Variants in ANKS1B observed in about 807,000 individuals in gnomAD.
The protein encoded by ANKS1B is ankyrin repeat and sterile alpha motif domain-containing protein 1B.
Under a neutral mutation model 148.3 loss-of-function variants are expected in ANKS1B, and 36 were observed. That is an observed-to-expected ratio of 0.24 (90% CI 0.19 to 0.32). The LOEUF is 0.32. Ranked by LOEUF, ANKS1B falls within the 10% of genes least tolerant of loss-of-function variation. The probability of loss-of-function intolerance (pLI) is 1.00; values close to 1 mark genes in which losing one functional copy is unlikely to be tolerated. For synonymous variants in ANKS1B, 542 were observed against 560.8 expected, an observed-to-expected ratio of 0.97 and a Z score of 0.47; for missense variants, 1,157 against 1,542.6, an observed-to-expected ratio of 0.75 and a Z score of 4.19.
chr12:98,803,464 A>G (rs990916574), intron 20 of ANKS1B, among the ~76,000 whole-genome samples: 2 of 152,218 alleles, frequency 1.3e-5, no homozygotes, highest in African/African-American at 2.4e-5. Flanking sequence ...TTAACAAAAC[A>G]ACAGAAGTTT....
Position 99,791,956 on chromosome 12 carries a change from A to G in ANKS1B, c.670-9859T>C, listed in dbSNP as rs187344099. Among the ~76,000 whole-genome samples the G allele has an allele frequency of 5.3e-5, 8 of 152,024 alleles. No homozygotes were observed. In the East Asian group the frequency reaches 1.4e-3, roughly 26 times the overall value. On this transcript the variant is annotated intron_variant, in intron 4 of 26. Transcript: ENST00000683438. ...GATTAAAAAAAGACAACAGATCAAC[A>G]AAACAAGAAGTTGTTTTGAAAAGAA...
intron 1 of ANKS1B, among the ~76,000 whole-genome samples, chr12:99,947,643 G>C (rs1206632418): frequency 6.6e-6 from 1 of 152,014 alleles, no homozygotes; most frequent in Non-Finnish European, 1.5e-5. Context: ...ATTATCTCAC[G>C]GTTTTGTAGG....
At chr12:99,368,995 G>A (rs141412086) in intron 12 of ANKS1B, among the ~76,000 whole-genome samples, 1 of 152,244 alleles carries the variant, frequency 6.6e-6, no homozygotes, top group African/African-American at 2.4e-5. Context: ...ATCAAAGAAT[G>A]ATAAACCCTT....
chr12:99,117,601 G>C (rs780711237), intron 15 of ANKS1B, among the ~76,000 whole-genome samples: 64 of 152,276 alleles, frequency 4.2e-4, no homozygotes, highest in Admixed American at 1.4e-3. Flanking sequence ...CAGTTTGCCT[G>C]TATTTTATTG....
intron 8 of ANKS1B, among the ~76,000 whole-genome samples, chr12:99,750,103 C>G (rs2060965033): frequency 6.6e-6 from 1 of 152,008 alleles, no homozygotes; most frequent in African/African-American, 2.4e-5. Context: ...CAAATTCTCT[C>G]TCAAGCATAT....
intron 17 of ANKS1B, among the ~76,000 whole-genome samples, chr12:98,971,319 T>C (rs569952904): frequency 6.6e-6 from 1 of 152,334 alleles, no homozygotes; most frequent in East Asian, 1.9e-4. Flanking sequence ...TAAATATTTG[T>C]TAAAGCAACA....
At chr12:99,487,841 G>A (rs2096513313) in intron 10 of ANKS1B, among the ~76,000 whole-genome samples, 1 of 151,968 alleles carries the variant, frequency 6.6e-6, no homozygotes, top group Non-Finnish European at 1.5e-5. Context: ...ATTAAATCAA[G>A]CTTATTAATT....
intron 17 of ANKS1B, among the ~76,000 whole-genome samples, chr12:98,849,264 C>T (rs11109627): frequency 0.15 from 22,378 of 151,192 alleles, 2,096 homozygotes; most frequent in Admixed American, 0.26. Flanking sequence ...AGTCTTAACT[C>T]GCATCAAGGT....
chr12:99,723,669 C>T (rs986475861), intron 8 of ANKS1B, among the ~76,000 whole-genome samples: 4 of 152,180 alleles, frequency 2.6e-5, no homozygotes, highest in African/African-American at 9.7e-5. Flanking sequence ...ACGGGTCCTG[C>T]TCCCTGTACC....
chr12:98,737,350 C>T (rs558661111), intron 9 of ANKS1B, among the ~76,000 whole-genome samples: 1 of 152,264 alleles, frequency 6.6e-6, no homozygotes, highest in South Asian at 2.1e-4. Flanking sequence ...TTTTCTTTTC[C>T]CCGCTAACTC....
chr12:99,055,789 C>T (rs2099969337), intron 16 of ANKS1B, among the ~76,000 whole-genome samples: 1 of 151,630 alleles, frequency 6.6e-6, no homozygotes, highest in Admixed American at 6.6e-5. Flanking sequence ...GAGCCTTCAA[C>T]ATTTTACATG....
intron 24 of ANKS1B, among the ~76,000 whole-genome samples, chr12:98,778,106 T>C (rs1444518811): frequency 6.6e-6 from 1 of 152,158 alleles, no homozygotes; most frequent in Non-Finnish European, 1.5e-5. Flanking sequence ...AACAATCACC[T>C]CTCTGACCAA....
intron 17 of ANKS1B, among the ~76,000 whole-genome samples, chr12:98,886,181 A>G (rs1171778283): frequency 3.3e-5 from 5 of 152,252 alleles, no homozygotes; most frequent in African/African-American, 9.6e-5. Context: ...AACGAGTTCA[A>G]TGAAAATTGA....
intron 1 of ANKS1B, among the ~76,000 whole-genome samples, chr12:99,947,305 C>T (rs2095093073): frequency 1.4e-5 from 2 of 145,896 alleles, no homozygotes. Flanking sequence ...AAATCAAGTG[C>T]AATACAAAAC....
At position 98,768,015 on chromosome 12, in the gene ANKS1B, A is replaced by G. The variant is rs559596801; in HGVS notation, c.3579+5027T>C. On this transcript the variant is annotated intron_variant, in intron 25 of 26. Coordinates refer to ENST00000683438, the MANE Select transcript of ANKS1B (RefSeq NM_001352186.2). ...TTTAACTCTCACAACTCCTAGTCTC[A>G]TAACACATCCTTCTTTTCTGCTCAC... Among the ~76,000 whole-genome samples, 9 of 152,302 alleles carry G rather than the reference A, an allele frequency of 5.9e-5. No homozygotes were observed. In the South Asian group the frequency reaches 1.9e-3, roughly 32 times the overall value.
chr12:99,455,045 G>A (rs2095822470), intron 10 of ANKS1B, among the ~76,000 whole-genome samples: 1 of 152,154 alleles, frequency 6.6e-6, no homozygotes, highest in African/African-American at 2.4e-5. Flanking sequence ...TGGCTCTTCA[G>A]GCTCTCCTGG....
At chr12:99,687,239 T>C (rs2153494875) in intron 8 of ANKS1B, among the ~76,000 whole-genome samples, 1 of 152,298 alleles carries the variant, frequency 6.6e-6, no homozygotes, top group Admixed American at 6.5e-5. Context: ...AATATACCTT[T>C]TTTCTCTGGC....
intron 8 of ANKS1B, among the ~76,000 whole-genome samples, chr12:99,766,317 C>T (rs987807056): frequency 6.6e-6 from 1 of 152,002 alleles, no homozygotes; most frequent in African/African-American, 2.4e-5. Context: ...ACCTACAAGG[C>T]AAGGCAGAAA....
intron 14 of ANKS1B, among the ~76,000 whole-genome samples, chr12:99,169,147 G>C (rs974407129): frequency 3.3e-5 from 5 of 152,158 alleles, no homozygotes; most frequent in African/African-American, 1.2e-4. Flanking sequence ...GAATATCCAT[G>C]TACTTGTGGA....
Sources: allele counts gnomAD v4.1 joint callset (sites outside exome capture counted in the v4.1 genomes callset), GRCh38; gene constraint gnomAD v4.1.1; transcripts MANE v1.5; gene names NCBI Gene and HGNC (gene_info 2026-07-23, HGNC 2026-07-21).